Variants in RFC3 observed in about 807,000 individuals in gnomAD.
The protein encoded by RFC3 is A1 38 kDa subunit.
RFC3 carries 41 observed loss-of-function variants against 45.1 expected under a neutral mutation model. The ratio of observed to expected loss-of-function variants is 0.91; its 90% confidence interval spans 0.71 to 1.18. The LOEUF (loss-of-function observed/expected upper bound fraction) is 1.18, where lower values mean the gene tolerates loss of function less well. Ranked by LOEUF, RFC3 falls within the 50% of genes most tolerant of loss-of-function variation. RFC3 has a pLI of 0.00. For missense variants in RFC3, 423 were observed against 428.1 expected (o/e 0.99, Z 0.10); for synonymous variants, 149 against 144.0 (o/e 1.03, Z -0.25).
chr13:33,934,183 A>T (rs2082871595), intron 8 of RFC3, among the ~76,000 whole-genome samples: 1 of 151,696 alleles, frequency 6.6e-6, no homozygotes, highest in Non-Finnish European at 1.5e-5. Context: ...AGAAAAAAAA[A>T]AAATCTGGGT....
intron 6 of RFC3, among the ~76,000 whole-genome samples, 198 bp from the exon 7 acceptor site, chr13:33,831,058 G>T (rs372672784): frequency 9.9e-5 from 15 of 151,928 alleles, no homozygotes; most frequent in African/African-American, 1.9e-4. Context: ...TCACAATACG[G>T]TTCACGCTCC....
intron 8 of RFC3, among the ~76,000 whole-genome samples, chr13:33,894,319 A>T (rs1356961966): frequency 6.6e-6 from 1 of 152,154 alleles, no homozygotes; most frequent in African/African-American, 2.4e-5. Flanking sequence ...TATGAGAAGG[A>T]GTGGCATCAG....
intron 8 of RFC3, among the ~76,000 whole-genome samples, chr13:33,936,194 G>A (rs1187264979): frequency 2.0e-5 from 3 of 152,250 alleles, no homozygotes; most frequent in African/African-American, 4.8e-5. Context: ...TCTGGGAAGT[G>A]TAATCACTGG....
chr13:33,890,312 C>A (rs1441476852), intron 8 of RFC3, among the ~76,000 whole-genome samples: 1 of 152,158 alleles, frequency 6.6e-6, no homozygotes, highest in Non-Finnish European at 1.5e-5. Context: ...TGCTGATGAT[C>A]TAAATTTGGT....
intron 1 of RFC3, among the ~76,000 whole-genome samples, chr13:33,818,890 T>TG (rs1421783888): frequency 2.5e-4 from 37 of 145,590 alleles, no homozygotes; most frequent in African/African-American, 9.1e-4. Context: ...AGTTTTTTTT[T>TG]TTTTTTTTTT....
chr13:33,876,111 T>G (rs1352982466), intron 8 of RFC3, among the ~76,000 whole-genome samples: 1 of 152,190 alleles, frequency 6.6e-6, no homozygotes, highest in African/African-American at 2.4e-5. Context: ...GACAGGGACC[T>G]TATTTTATTG....
chr13:33,829,395 C>CAGT (rs2082080457), intron 4 of RFC3: 2 of 172,798 alleles, frequency 1.2e-5, no homozygotes, highest in Non-Finnish European at 2.4e-5. Context: ...AAATGCAGCA[C>CAGT]AGTACTTCCT....
At chr13:33,925,349 CAT>C (rs202081700) in intron 8 of RFC3, among the ~76,000 whole-genome samples, 1,272 of 49,946 alleles carry the variant, frequency 0.025, 114 homozygotes, top group African/African-American at 0.044. Context: ...TATATACATA[CAT>C]ATATAGTGTA....
chr13:33,820,560 T>C (rs2081992336), intron 1 of RFC3, among the ~76,000 whole-genome samples: 1 of 152,240 alleles, frequency 6.6e-6, no homozygotes, highest in Non-Finnish European at 1.5e-5. Flanking sequence ...TCTTACTGGC[T>C]GCCTTCCTTT....
In RFC3 at chr13:33,960,045, A is replaced by T. The variant is rs559135346; in HGVS notation, c.880-6042A>T. Among the ~76,000 whole-genome samples the T allele has an allele frequency of 5.3e-4, 81 of 151,976 alleles. 1 individual carries two copies. The highest frequency in any genetic ancestry group is 6.8e-3 in the Middle Eastern group (2 of 294). On this transcript the variant is annotated intron_variant, in intron 8 of 8. Coordinates refer to the RFC3 transcript ENST00000434425. Reference sequence around the variant, plus strand: ...TTTTCAATGACCAGCTCCCATGTGAACTCACTGTTGTGAGGACACCACCGA... The same window carrying T: ...TTTTCAATGACCAGCTCCCATGTGATCTCACTGTTGTGAGGACACCACCGA...
intron 8 of RFC3, among the ~76,000 whole-genome samples, chr13:33,932,739 C>G (rs1395686657): frequency 6.6e-6 from 1 of 152,164 alleles, no homozygotes; most frequent in Non-Finnish European, 1.5e-5. Flanking sequence ...TAAACCACAT[C>G]CAATGCTAGT....
intron 8 of RFC3, among the ~76,000 whole-genome samples, chr13:33,936,077 CG>C (rs1420631688): frequency 1.3e-5 from 2 of 151,994 alleles, no homozygotes; most frequent in African/African-American, 2.4e-5. Context: ...TATGGGATGA[CG>C]GGTTGGGGTG....
intron 8 of RFC3, among the ~76,000 whole-genome samples, chr13:33,889,736 G>C (rs949794886): frequency 2.0e-5 from 3 of 152,098 alleles, no homozygotes; most frequent in African/African-American, 7.2e-5. Flanking sequence ...CCCAGCCTCT[G>C]GTAACCACTA....
At chr13:33,934,692 T>G (rs1037792249) in intron 8 of RFC3, among the ~76,000 whole-genome samples, 2 of 152,128 alleles carry the variant, frequency 1.3e-5, no homozygotes, top group African/African-American at 2.4e-5. Context: ...TAGCCCTGAT[T>G]TTGTGTTTCA....
intron 8 of RFC3, among the ~76,000 whole-genome samples, chr13:33,893,396 C>A (rs1566019063): frequency 6.6e-6 from 1 of 151,762 alleles, no homozygotes; most frequent in Non-Finnish European, 1.5e-5. Context: ...CTAATAAAAC[C>A]AAAAATATCT....
chr13:33,867,554 G>T (rs1165156869), intron 8 of RFC3, among the ~76,000 whole-genome samples: 1 of 152,176 alleles, frequency 6.6e-6, no homozygotes, highest in Non-Finnish European at 1.5e-5. Context: ...AGGAAATAGG[G>T]CCTCACTACC....
intron 8 of RFC3, among the ~76,000 whole-genome samples, chr13:33,923,387 G>A (rs1005086203): frequency 6.6e-6 from 1 of 152,100 alleles, no homozygotes; most frequent in African/African-American, 2.4e-5. Context: ...CAAAAGGCTG[G>A]AGACCATGAC....
intron 8 of RFC3, among the ~76,000 whole-genome samples, chr13:33,945,112 G>T (rs573282985): frequency 6.6e-6 from 1 of 152,258 alleles, no homozygotes; most frequent in East Asian, 1.9e-4. Context: ...CTGCCTTGTT[G>T]ATTAACATCC....
chr13:33,874,947 T>A (rs2082436454), intron 8 of RFC3, among the ~76,000 whole-genome samples: 1 of 152,206 alleles, frequency 6.6e-6, no homozygotes, highest in African/African-American at 2.4e-5. Context: ...TTTATTTTAA[T>A]GTTATCCAGT....
Sources: gnomAD v4.1 joint callset for allele counts (sites outside exome capture counted in the v4.1 genomes callset) on GRCh38, gnomAD v4.1.1 for gene constraint, MANE v1.5 for transcripts, NCBI Gene and HGNC (gene_info 2026-07-23, HGNC 2026-07-21) for gene names.